NALF1: variants seen among roughly 807,000 people sequenced by gnomAD.
The protein encoded by NALF1 is family with sequence similarity 155 member A.
A neutral mutation model predicts 48.4 loss-of-function variants in NALF1; 3 were observed. The observed-to-expected ratio is 0.06, with a 90% confidence interval of 0.03 to 0.16. The LOEUF is 0.16. Among genes scored for constraint, NALF1 ranks in the 10% least tolerant of loss-of-function variants. The pLI, the probability that NALF1 is intolerant of heterozygous loss-of-function variation, is 1.00. For synonymous variants in NALF1, 262 were observed against 245.7 expected, an observed-to-expected ratio of 1.07 and a Z score of -0.62; for missense variants, 526 against 571.5, an observed-to-expected ratio of 0.92 and a Z score of 0.81.
chr13:107,502,621 T>C lies in NALF1; in HGVS notation c.916-291866A>G, dbSNP rs143267883. 2.4e-3 allele frequency among the ~76,000 whole-genome samples: 365 copies of C among 152,258 alleles called. 3 individuals are homozygous for C. The highest frequency in any genetic ancestry group is 7.9e-3 in the African/African-American group (329 of 41,548). On this transcript the variant is annotated intron_variant, in intron 1 of 2. Transcript: ENST00000375915. ...TGGATGCATCCCTACCTTTGAAAAC[T>C]TCCGTCAGATATTATGCTTCTTCTA...
chr13:107,165,493 A>G lies in NALF1; in HGVS notation c.*5004T>C, dbSNP rs1878639355. On this transcript the variant is annotated 3_prime_UTR_variant, in exon 3 of 3. Transcript: ENST00000375915. ...GTGATTTTCTTCTGAGTTTAATCTGAATGTCTTGTCTGTGGTAAACATAGC... is the reference window on the plus strand; with the variant it reads ...GTGATTTTCTTCTGAGTTTAATCTGGATGTCTTGTCTGTGGTAAACATAGC... 5.3e-5 allele frequency: 8 copies of G among 152,192 alleles called. No homozygotes were observed. Among genetic ancestry groups the G allele is most frequent in the Admixed American group, 4.6e-4 (7 of 15,282 alleles). The allele number at this position is 152,192 out of a possible 1,614,324, so 9.4% of individuals were successfully genotyped here. A position where few individuals can be genotyped will look rare whatever the true frequency, so the allele number is the denominator to read the frequency against.
intron 1 of NALF1, among the ~76,000 whole-genome samples, chr13:107,717,396 G>T (rs1375615039): frequency 6.6e-6 from 1 of 152,114 alleles, no homozygotes. Flanking sequence ...AAACTCTGGG[G>T]GTGGAACCCA....
chr13:107,662,118 T>G (rs1880747725), intron 1 of NALF1, among the ~76,000 whole-genome samples: 1 of 152,208 alleles, frequency 6.6e-6, no homozygotes, highest in South Asian at 2.1e-4. Context: ...TCTTGCCATT[T>G]TTGGACATGG....
intron 1 of NALF1, among the ~76,000 whole-genome samples, chr13:107,819,703 C>G (rs1431426701): frequency 6.7e-6 from 1 of 150,102 alleles, no homozygotes; most frequent in Non-Finnish European, 1.5e-5. Flanking sequence ...CTCTCTCTCT[C>G]TCTCTCTCTC....
chr13:107,257,788 T>C (rs1203246881), intron 1 of NALF1, among the ~76,000 whole-genome samples: 1 of 151,344 alleles, frequency 6.6e-6, no homozygotes, highest in Non-Finnish European at 1.5e-5. Flanking sequence ...TGGTGGGAGG[T>C]AGGGGATGGG....
intron 1 of NALF1, among the ~76,000 whole-genome samples, chr13:107,656,434 A>G (rs956261258): frequency 6.6e-6 from 1 of 152,196 alleles, no homozygotes; most frequent in Non-Finnish European, 1.5e-5. Context: ...AGATCAGGGA[A>G]ATGCAAATCG....
chr13:107,811,207 C>T (rs2138606700), intron 1 of NALF1, among the ~76,000 whole-genome samples: 1 of 152,234 alleles, frequency 6.6e-6, no homozygotes, highest in Admixed American at 6.5e-5. Flanking sequence ...GCTGCAGGCA[C>T]ACTGGATAAT....
chr13:107,644,584 G>A (rs1375791513), intron 1 of NALF1, among the ~76,000 whole-genome samples: 8 of 142,114 alleles, frequency 5.6e-5, no homozygotes, highest in African/African-American at 2.1e-4. Context: ...TCACAGGACA[G>A]AAAAAAATAC....
chr13:107,788,919 C>T (rs1262126475), intron 1 of NALF1: 4 of 151,980 alleles, frequency 2.6e-5, no homozygotes, highest in Admixed American at 6.6e-5. Context: ...TGGAGGTTGG[C>T]CATAATAGAA....
chr13:107,446,797 A>T (rs947527159), intron 1 of NALF1, among the ~76,000 whole-genome samples: 1 of 152,238 alleles, frequency 6.6e-6, no homozygotes, highest in Non-Finnish European at 1.5e-5. Context: ...TATGTCCTAT[A>T]TAAGAAAAAA....
In NALF1 at chr13:107,519,362, AGG is replaced by A. The variant is rs1464018843; in HGVS notation, c.916-308609_916-308608del. ...ATACTGTATCAGAGGATCCGGGAGG[AGG>A]AAAAAAAAAAAAACTTTTCAAAGAA... On this transcript the variant is annotated intron_variant, in intron 1 of 2. Transcript: ENST00000375915. Among the ~76,000 whole-genome samples, 3 of 77,224 alleles carry A rather than the reference AGG, an allele frequency of 3.9e-5. 1 individual carries two copies. Among genetic ancestry groups the A allele is most frequent in the African/African-American group, 1.0e-4 (3 of 29,544 alleles). The allele number at this position is 77,224 out of a possible 152,430, so 50.7% of individuals were successfully genotyped here.
Position 107,170,596 on chromosome 13 carries a change from G to A in NALF1, c.1278C>T (p.Leu426=). Residue 426 remains leucine (L), a synonymous_variant, in exon 3 of 3, where the codon CTC becomes CTT. Coordinates refer to ENST00000375915, the MANE Select transcript of NALF1 (RefSeq NM_001080396.3). ...RLKLCVLVLI[L]LHTVLTASAA... ...CCGAGGCTGTGAGCACTGTGTGTAA[G>A]AGAATCAGTACAAGAACACACAGCT... 1 of 1,614,220 alleles carries A rather than the reference G, an allele frequency of 6.2e-7. No individual in the cohort carries two copies. Among genetic ancestry groups the A allele is most frequent in the African/African-American group, 1.3e-5 (1 of 75,060 alleles).
At chr13:107,730,974 T>C (rs1876293421) in intron 1 of NALF1, among the ~76,000 whole-genome samples, 1 of 152,216 alleles carries the variant, frequency 6.6e-6, no homozygotes, top group Non-Finnish European at 1.5e-5. Flanking sequence ...TTACACTCCA[T>C]CTGGGTGCTA....
chr13:107,559,332 C>A (rs1348989771), intron 1 of NALF1, among the ~76,000 whole-genome samples: 1 of 151,334 alleles, frequency 6.6e-6, no homozygotes, highest in African/African-American at 2.4e-5. Flanking sequence ...ATGACAATAA[C>A]AACAACAAAA....
At position 107,736,310 on chromosome 13, in the gene NALF1, C is replaced by T. The variant is rs193081894; in HGVS notation, c.915+129372G>A. 8.8e-4 allele frequency among the ~76,000 whole-genome samples: 134 copies of T among 152,122 alleles called. 1 individual carries two copies. In the Middle Eastern group the frequency reaches 0.01, roughly 12 times the overall value. ...ACACTTCTGTAACAGAGTGCAGTGG[C>T]GGCGGCGGCATTTCTTAGGTTGCAT... On this transcript the variant is annotated intron_variant, in intron 1 of 2. Transcript: ENST00000375915.
chr13:107,213,240 A>AAAAAG (rs1879801590), intron 1 of NALF1, among the ~76,000 whole-genome samples: 1 of 150,554 alleles, frequency 6.6e-6, no homozygotes, highest in Non-Finnish European at 1.5e-5. Context: ...CAAAAAAAAA[A>AAAAAG]AAAAAAAAAA....
At chr13:107,669,646 T>A (rs1478274107) in intron 1 of NALF1, among the ~76,000 whole-genome samples, 1 of 152,164 alleles carries the variant, frequency 6.6e-6, no homozygotes, top group African/African-American at 2.4e-5. Flanking sequence ...TTTTCAGAGA[T>A]GAACCGCATG....
chr13:107,214,069 G>A (rs1879823404), intron 1 of NALF1, among the ~76,000 whole-genome samples: 3 of 152,136 alleles, frequency 2.0e-5, no homozygotes, highest in Admixed American at 6.6e-5. Context: ...CAAATGTGCC[G>A]AGTTCTCTAG....
At chr13:107,627,094 T>C (rs1400382324) in intron 1 of NALF1, among the ~76,000 whole-genome samples, 1 of 150,102 alleles carries the variant, frequency 6.7e-6, no homozygotes, top group African/African-American at 2.4e-5. Flanking sequence ...TCACATCCTG[T>C]AGACTAAGGG....
Sources: allele counts gnomAD v4.1 joint callset (sites outside exome capture counted in the v4.1 genomes callset), GRCh38; gene constraint gnomAD v4.1.1; transcripts MANE v1.5; gene names NCBI Gene and HGNC (gene_info 2026-07-23, HGNC 2026-07-21).